Variants in CNTNAP5 observed in about 807,000 individuals in gnomAD.
CNTNAP5 encodes the protein contactin associated protein family member 5, also known as contactin-associated protein-like 5.
A neutral mutation model predicts 150.2 loss-of-function variants in CNTNAP5; 72 were observed. That is an observed-to-expected ratio of 0.48 (90% CI 0.40 to 0.58). The LOEUF (loss-of-function observed/expected upper bound fraction) is 0.58, where lower values mean the gene tolerates loss of function less well. Ranked by LOEUF, CNTNAP5 falls within the 20% of genes least tolerant of loss-of-function variation. The pLI is 0.00. For synonymous variants in CNTNAP5, 672 were observed against 619.8 expected (o/e 1.08, Z -1.25); for missense variants, 1,636 against 1,626.2 (o/e 1.01, Z -0.10).
At chr2:124,556,569 A>G (rs1242718859) in intron 10 of CNTNAP5, among the ~76,000 whole-genome samples, 1 of 152,202 alleles carries the variant, frequency 6.6e-6, no homozygotes, top group Non-Finnish European at 1.5e-5. Context: ...GAAGGGGTCA[A>G]GAACGGAAGC....
At chr2:124,406,361 C>A (rs1691570105) in intron 3 of CNTNAP5, among the ~76,000 whole-genome samples, 1 of 152,078 alleles carries the variant, frequency 6.6e-6, no homozygotes, top group Non-Finnish European at 1.5e-5. Context: ...CTTTCATATC[C>A]TTTCTGATTT....
At chr2:124,902,316 G>A (rs1361539078) in intron 21 of CNTNAP5, among the ~76,000 whole-genome samples, 1 of 152,060 alleles carries the variant, frequency 6.6e-6, no homozygotes, top group East Asian at 1.9e-4. Flanking sequence ...TCAGTTCCAT[G>A]GACAGAACCA....
At chr2:124,186,327 C>A (rs1341717781) in intron 1 of CNTNAP5, among the ~76,000 whole-genome samples, 1 of 152,178 alleles carries the variant, frequency 6.6e-6, no homozygotes, top group Non-Finnish European at 1.5e-5. Flanking sequence ...ATCTGCATAG[C>A]TACTCATACA....
At chr2:124,683,548 C>T (rs1679118833) in intron 13 of CNTNAP5, among the ~76,000 whole-genome samples, 1 of 152,126 alleles carries the variant, frequency 6.6e-6, no homozygotes, top group African/African-American at 2.4e-5. Context: ...CCCACCCTTC[C>T]CCTTGAGTCC....
At chr2:124,453,419 C>T (rs1558909312) in intron 6 of CNTNAP5, among the ~76,000 whole-genome samples, 1 of 152,092 alleles carries the variant, frequency 6.6e-6, no homozygotes. Context: ...ATTGGCATTC[C>T]TGAGGAAGAA....
At chr2:124,737,396 C>T (rs1680407160) in intron 13 of CNTNAP5, among the ~76,000 whole-genome samples, 1 of 152,010 alleles carries the variant, frequency 6.6e-6, no homozygotes, top group East Asian at 1.9e-4. Context: ...TGAAAGACAT[C>T]AGCCTCTATG....
intron 12 of CNTNAP5, among the ~76,000 whole-genome samples, chr2:124,644,132 C>T (rs1159930789): frequency 6.6e-6 from 1 of 152,158 alleles, no homozygotes; most frequent in African/African-American, 2.4e-5. Flanking sequence ...AGAGAATCTC[C>T]ACCTCCTCAC....
intron 12 of CNTNAP5, among the ~76,000 whole-genome samples, chr2:124,621,055 T>A (rs1677604643): frequency 6.6e-6 from 1 of 152,138 alleles, no homozygotes; most frequent in Non-Finnish European, 1.5e-5. Flanking sequence ...AACAGAATTA[T>A]AAGGGTGAGG....
chr2:124,214,164 C>T (rs979236653), intron 1 of CNTNAP5, among the ~76,000 whole-genome samples: 3 of 152,150 alleles, frequency 2.0e-5, no homozygotes, highest in African/African-American at 7.2e-5. Context: ...GAAAGCTGCA[C>T]CAGGAGGCTC....
intron 13 of CNTNAP5, among the ~76,000 whole-genome samples, chr2:124,655,855 T>G (rs936549127): frequency 6.6e-6 from 1 of 150,626 alleles, no homozygotes; most frequent in Non-Finnish European, 1.5e-5. Flanking sequence ...GAGCTATAAT[T>G]GTGCTACTGC....
At chr2:124,712,764 AAGAGAC>A (rs1257525822) in intron 13 of CNTNAP5, among the ~76,000 whole-genome samples, 1 of 150,688 alleles carries the variant, frequency 6.6e-6, no homozygotes, top group Non-Finnish European at 1.5e-5. Context: ...TTTTCTTTTT[AAGAGAC>A]AGGGTCTTGC....
intron 10 of CNTNAP5, among the ~76,000 whole-genome samples, chr2:124,547,797 G>T (rs1195541279): frequency 6.6e-6 from 1 of 152,182 alleles, no homozygotes; most frequent in Non-Finnish European, 1.5e-5. Context: ...TGCCACGGGA[G>T]GAAGTGGGGA....
chr2:124,642,606 G>T (rs1487284667), intron 12 of CNTNAP5, among the ~76,000 whole-genome samples: 4 of 152,072 alleles, frequency 2.6e-5, no homozygotes, highest in Admixed American at 6.6e-5. Flanking sequence ...CATGAACTTT[G>T]CCCCAGACAG....
intron 1 of CNTNAP5, among the ~76,000 whole-genome samples, chr2:124,128,177 T>TA (rs1430975708): frequency 6.6e-6 from 1 of 152,128 alleles, no homozygotes; most frequent in African/African-American, 2.4e-5. Flanking sequence ...AAAGGACTAG[T>TA]ATCAAGAATC....
intron 19 of CNTNAP5, among the ~76,000 whole-genome samples, chr2:124,848,450 A>C (rs1683093778): frequency 6.6e-6 from 1 of 152,172 alleles, no homozygotes; most frequent in Non-Finnish European, 1.5e-5. Context: ...GGCTACTCTG[A>C]ATAATGTTGA....
chr2:124,742,978 A>G (rs951055220), intron 13 of CNTNAP5, among the ~76,000 whole-genome samples: 1 of 152,138 alleles, frequency 6.6e-6, no homozygotes, highest in African/African-American at 2.4e-5. Context: ...ACAAATCCCC[A>G]GAGCCCCAGG....
intron 4 of CNTNAP5, among the ~76,000 whole-genome samples, chr2:124,429,195 T>A (rs1692310835): frequency 6.6e-6 from 1 of 152,204 alleles, no homozygotes; most frequent in South Asian, 2.1e-4. Context: ...TTAAATCTGC[T>A]TTTCCAAGTG....
At chr2:124,188,038 A>G (rs893099030) in intron 1 of CNTNAP5, among the ~76,000 whole-genome samples, 5 of 152,124 alleles carry the variant, frequency 3.3e-5, no homozygotes, top group Non-Finnish European at 7.4e-5. Context: ...GTATCAGACA[A>G]AGTGTGCTTA....
intron 12 of CNTNAP5, among the ~76,000 whole-genome samples, chr2:124,621,936 A>T (rs942299080): frequency 1.3e-5 from 2 of 152,088 alleles, no homozygotes; most frequent in African/African-American, 4.8e-5. Flanking sequence ...CCTGTTTGAA[A>T]ACACTCTACT....
Sources: allele counts gnomAD v4.1 joint callset (sites outside exome capture counted in the v4.1 genomes callset), GRCh38; gene constraint gnomAD v4.1.1; transcripts MANE v1.5; gene names NCBI Gene and HGNC (gene_info 2026-07-23, HGNC 2026-07-21).